The following PDE4D variants were observed in gnomAD, a reference collection of about 807,000 sequenced individuals.
PDE4D encodes phosphodiesterase 4D, also known as 3',5'-cyclic-AMP phosphodiesterase 4D.
PDE4D carries 24 observed loss-of-function variants against 87.4 expected under a neutral mutation model. The ratio of observed to expected loss-of-function variants is 0.27; its 90% CI spans 0.20 to 0.39. The LOEUF is 0.39. Ranked by LOEUF, PDE4D falls within the 10% of genes least tolerant of loss-of-function variation. PDE4D has a pLI of 1.00. For synonymous variants in PDE4D, 384 were observed against 383.2 expected, an observed-to-expected ratio of 1.00 and a Z score of -0.02; for missense variants, 714 against 1,041.0, an observed-to-expected ratio of 0.69 and a Z score of 4.32.
At chr5:59,598,396 A>T (rs138268864) in intron 1 of PDE4D, among the ~76,000 whole-genome samples, 15 of 152,318 alleles carry the variant, frequency 9.8e-5, no homozygotes, top group African/African-American at 3.6e-4. Flanking sequence ...ATGACAAAAA[A>T]GGATTTTGTT....
intron 1 of PDE4D, among the ~76,000 whole-genome samples, chr5:59,431,092 T>A (rs1002814384): frequency 1.3e-5 from 2 of 152,150 alleles, no homozygotes; most frequent in African/African-American, 4.8e-5. Context: ...ACGTTGATGA[T>A]GATACACATT....
At chr5:60,305,035 CTA>C (rs200652041) in intron 1 of PDE4D, among the ~76,000 whole-genome samples, 8 of 111,582 alleles carry the variant, frequency 7.2e-5, no homozygotes, top group East Asian at 2.6e-4. Context: ...TAGTTTTGAG[CTA>C]TACACACACA....
chr5:59,521,458 TG>T (rs756285982), intron 1 of PDE4D, among the ~76,000 whole-genome samples: 9 of 152,186 alleles, frequency 5.9e-5, no homozygotes, highest in Non-Finnish European at 1.2e-4. Context: ...AGGATTTTTT[TG>T]TTTCCTAATC....
At chr5:59,772,199 G>A (rs1763652533) in intron 1 of PDE4D, among the ~76,000 whole-genome samples, 1 of 152,178 alleles carries the variant, frequency 6.6e-6, no homozygotes, top group South Asian at 2.1e-4. Context: ...TGGACAGACT[G>A]GCAATTTTTT....
chr5:59,922,526 T>C (rs932484733), intron 3 of PDE4D, among the ~76,000 whole-genome samples: 3 of 152,132 alleles, frequency 2.0e-5, no homozygotes, highest in Middle Eastern at 6.8e-3. Flanking sequence ...CATGGTAGGA[T>C]AGGGCAAAAG....
chr5:59,938,273 A>C (rs532814802), intron 3 of PDE4D, among the ~76,000 whole-genome samples: 1 of 152,292 alleles, frequency 6.6e-6, no homozygotes, highest in South Asian at 2.1e-4. Flanking sequence ...AGTCACTAGA[A>C]GTGCCAATTA....
At chr5:59,475,629 T>A (rs565067871) in intron 1 of PDE4D, among the ~76,000 whole-genome samples, 1 of 152,100 alleles carries the variant, frequency 6.6e-6, no homozygotes, top group Non-Finnish European at 1.5e-5. Flanking sequence ...CTCAGTTTTT[T>A]ACCCTATCCC....
chr5:59,016,103 G>A (rs1753906719), intron 6 of PDE4D, among the ~76,000 whole-genome samples: 2 of 152,088 alleles, frequency 1.3e-5, no homozygotes, highest in Admixed American at 1.3e-4. Context: ...CAGGATGGGG[G>A]AACATCACAC....
intron 1 of PDE4D, among the ~76,000 whole-genome samples, chr5:59,795,623 T>C (rs1239734445): frequency 4.6e-5 from 7 of 152,098 alleles, no homozygotes; most frequent in Non-Finnish European, 4.4e-5. Context: ...GTCAATCCAA[T>C]CCCCTATTGG....
intron 2 of PDE4D, among the ~76,000 whole-genome samples, chr5:60,078,100 G>C (rs1406399835): frequency 2.0e-5 from 3 of 152,072 alleles, no homozygotes; most frequent in Admixed American, 2.0e-4. Context: ...CGACCATCTT[G>C]CCTCCTTCCT....
chr5:59,104,425 C>G (rs909182413), intron 5 of PDE4D, among the ~76,000 whole-genome samples: 2 of 152,214 alleles, frequency 1.3e-5, no homozygotes, highest in African/African-American at 4.8e-5. Context: ...TAGTGTTTCT[C>G]AAACTAACAT....
chr5:59,925,985 T>C lies in PDE4D; in HGVS notation c.272+62503A>G, dbSNP rs112866333. Among the ~76,000 whole-genome samples the C allele has an allele frequency of 9.1e-4, 138 of 152,228 alleles. 3 individuals carry two copies. In the East Asian group the frequency reaches 0.026, roughly 28 times the overall value. Reference sequence around the variant, plus strand: ...TAGACAGGAGTTCAACAAAGAAACATCGGACTTGATCAGCATGATAGACCA... The same window carrying C: ...TAGACAGGAGTTCAACAAAGAAACACCGGACTTGATCAGCATGATAGACCA... On this transcript the variant is annotated intron_variant, in intron 3 of 16. Coordinates refer to the PDE4D transcript ENST00000502484.
chr5:59,981,237 G>A (rs1761902937), intron 3 of PDE4D, among the ~76,000 whole-genome samples: 1 of 152,008 alleles, frequency 6.6e-6, no homozygotes, highest in South Asian at 2.1e-4. Context: ...GGGTGACACA[G>A]CAAGACTCCG....
At chr5:60,280,841 AAT>A (rs1206516562) in intron 1 of PDE4D, among the ~76,000 whole-genome samples, 5 of 152,218 alleles carry the variant, frequency 3.3e-5, no homozygotes, top group African/African-American at 1.2e-4. Flanking sequence ...ACTAATTAAA[AAT>A]ATGTTTATTA....
At chr5:60,353,324 C>G (rs1213963421) in intron 1 of PDE4D, among the ~76,000 whole-genome samples, 4 of 152,330 alleles carry the variant, frequency 2.6e-5, no homozygotes, top group Non-Finnish European at 4.4e-5. Flanking sequence ...TCTCAGCTCC[C>G]AAATCATACA....
chr5:60,180,132 T>C (rs951846436), intron 2 of PDE4D, among the ~76,000 whole-genome samples: 2 of 152,192 alleles, frequency 1.3e-5, no homozygotes, highest in African/African-American at 4.8e-5. Context: ...AGTGGAACTT[T>C]TTCCAAGATG....
intron 6 of PDE4D, among the ~76,000 whole-genome samples, chr5:58,997,641 T>G (rs1749533886): frequency 6.8e-6 from 1 of 147,212 alleles, no homozygotes. Flanking sequence ...CTAAGTAGTC[T>G]GAAAACAATA....
intron 2 of PDE4D, among the ~76,000 whole-genome samples, chr5:60,050,327 G>A (rs917600775): frequency 6.6e-6 from 1 of 152,156 alleles, no homozygotes; most frequent in Non-Finnish European, 1.5e-5. Context: ...CCCGTCTTCT[G>A]TGACGCTCTC....
At chr5:59,602,608 T>C (rs1488206428) in intron 1 of PDE4D, among the ~76,000 whole-genome samples, 1 of 152,018 alleles carries the variant, frequency 6.6e-6, no homozygotes, top group African/African-American at 2.4e-5. Context: ...TCTGAAACAA[T>C]CTACAAAACA....
Sources: allele counts gnomAD v4.1 joint callset (sites outside exome capture counted in the v4.1 genomes callset), GRCh38; gene constraint gnomAD v4.1.1; transcripts MANE v1.5; gene names NCBI Gene and HGNC (gene_info 2026-07-23, HGNC 2026-07-21).